Variants in PIGX observed in about 807,000 individuals in gnomAD.
The protein encoded by PIGX is phosphatidylinositol glycan anchor biosynthesis class X.
PIGX carries 24 observed loss-of-function variants against 28.7 expected under a neutral mutation model. That is an observed-to-expected ratio of 0.84 (90% confidence interval 0.60 to 1.17). The LOEUF is 1.17. PIGX is among the 50% of genes most tolerant of loss of function. The probability of loss-of-function intolerance (pLI) is 0.00; values close to 1 mark genes in which losing one functional copy is unlikely to be tolerated. For missense variants in PIGX, 305 were observed against 317.8 expected (o/e 0.96, Z 0.31); for synonymous variants, 127 against 121.0 (o/e 1.05, Z -0.33).
chr3:196,727,181 C>A (rs186443365), intron 3 of PIGX, among the ~76,000 whole-genome samples: 1 of 151,912 alleles, frequency 6.6e-6, no homozygotes, highest in Non-Finnish European at 1.5e-5. Flanking sequence ...ACACATAGGT[C>A]GCGTATATAA....
rs1041797133 is a variant in PIGX, at chr3:196,712,418, G to C, written c.-115G>C. 1 of 411,912 alleles carries C rather than the reference G, an allele frequency of 2.4e-6. No individual in the cohort carries two copies. The highest frequency in any genetic ancestry group is 2.1e-5 in the African/African-American group (1 of 47,126). 25.5% of individuals were successfully genotyped at this position (411,912 alleles called of 1,614,324 possible). A position where few individuals can be genotyped will look rare whatever the true frequency, so the allele number is the denominator to read the frequency against. ...CGCTAGGCGCGCGCACCCAGCACTCGGTCCCAGCCGATAAATCTGGGGCAG... is the reference window on the plus strand; with the variant it reads ...CGCTAGGCGCGCGCACCCAGCACTCCGTCCCAGCCGATAAATCTGGGGCAG... On this transcript the variant is annotated 5_prime_UTR_variant, in exon 1 of 6. Transcript: ENST00000392391.
chr3:196,716,743 G>T, intron 1 of PIGX, 115 bp from the exon 2 acceptor site: 1 of 438,246 alleles, frequency 2.3e-6, no homozygotes, highest in Non-Finnish European at 3.8e-6. Context: ...TTGTTTTTAG[G>T]TTGGTTAGAT....
chr3:196,713,791 C>G (rs1294733718), intron 1 of PIGX, among the ~76,000 whole-genome samples: 1 of 148,618 alleles, frequency 6.7e-6, no homozygotes, highest in Admixed American at 6.8e-5. Context: ...GAGCCGAGAT[C>G]GCGCCATTGC....
chr3:196,717,723 C>T (rs1461278464), intron 2 of PIGX: 12 of 152,148 alleles, frequency 7.9e-5, no homozygotes. Context: ...GGTGATAGAG[C>T]TCTGACTCTA....
Position 196,734,693 on chromosome 3 carries a change from AATTAAT to A in PIGX, c.*800_*805del, listed in dbSNP as rs1248335835. 23 of 152,360 alleles carry A rather than the reference AATTAAT, an allele frequency of 1.5e-4. No individual in the cohort carries two copies. The highest frequency in any genetic ancestry group is 6.2e-4 in the South Asian group (3 of 4,834). The allele number at this position is 152,360 out of a possible 1,614,324, so 9.4% of individuals were successfully genotyped here. On this transcript the variant is annotated 3_prime_UTR_variant, in exon 6 of 6. Transcript: ENST00000392391. ...AATCATTAAAGTAGGACAGCTAAGA[AATTAAT>A]ATTAATATCAAAATTATTGATAATC...
rs762400588 is a variant in PIGX at position 196,731,083 on chromosome 3, G to C, written c.624G>C (p.Lys208Asn). The C allele has an allele frequency of 6.5e-7, 1 of 1,549,220 alleles. No homozygotes were observed. Among genetic ancestry groups the C allele is most frequent in the Non-Finnish European group, 8.9e-7 (1 of 1,121,772 alleles). The change falls in exon 5 of 6, where the codon AAG becomes AAC. Residue 208 changes from lysine (K) to asparagine (N), a missense_variant. Transcript: ENST00000392391. ...ATATCTGCCAATGGAACAAGATGAA[G>C]TATAAATCAGTAAGCTAATGTTTTA... is the stretch of plus-strand genomic sequence containing the variant.
chr3:196,731,411 T>A (rs1302731129), intron 5 of PIGX, among the ~76,000 whole-genome samples: 1 of 152,142 alleles, frequency 6.6e-6, no homozygotes, highest in African/African-American at 2.4e-5. Flanking sequence ...CTCCTGACTT[T>A]AGGTGATCCG....
intron 3 of PIGX, among the ~76,000 whole-genome samples, chr3:196,723,309 C>G (rs562340493): frequency 6.6e-6 from 1 of 152,186 alleles, no homozygotes; most frequent in Non-Finnish European, 1.5e-5. Flanking sequence ...TCATTGCACT[C>G]CAGCCTGGGT....
Position 196,728,051 on chromosome 3 carries a change from C to T in PIGX, c.447C>T (p.His149=). 2 of 1,614,162 alleles carry T rather than the reference C, an allele frequency of 1.2e-6. No individual in the cohort carries two copies. The highest frequency in any genetic ancestry group is 1.7e-6 in the Non-Finnish European group (2 of 1,179,990). Residue 149 remains histidine (H), a synonymous_variant, in exon 4 of 6, where the codon CAC becomes CAT. Transcript: ENST00000392391. Reference sequence around the variant, plus strand: ...GTTTTCAAGCCTTTTTGCCTGTGCACTGCCGCTATCATCGGCCGCACAGTG... The same window carrying T: ...GTTTTCAAGCCTTTTTGCCTGTGCATTGCCGCTATCATCGGCCGCACAGTG...
intron 3 of PIGX, among the ~76,000 whole-genome samples, chr3:196,722,979 G>A (rs755027142): frequency 2.6e-5 from 4 of 152,152 alleles, no homozygotes; most frequent in Non-Finnish European, 5.9e-5. Flanking sequence ...AAGAAAGATC[G>A]TGTCCTGCAC....
At chr3:196,713,053 T>C (rs1711901069) in intron 1 of PIGX, 1 of 986,292 alleles carries the variant, frequency 1.0e-6, no homozygotes, top group Non-Finnish European at 1.2e-6. Flanking sequence ...TGCTAGTTGT[T>C]CGTGCAAGTA....
chr3:196,723,633 T>TA (rs397939826), intron 3 of PIGX, among the ~76,000 whole-genome samples: 37 of 150,442 alleles, frequency 2.5e-4, no homozygotes, highest in African/African-American at 8.5e-4. Context: ...TTTTTTTTTT[T>TA]AATTATTGTG....
intron 5 of PIGX, among the ~76,000 whole-genome samples, chr3:196,731,740 T>C (rs1390970613): frequency 2.6e-5 from 4 of 152,208 alleles, no homozygotes; most frequent in Non-Finnish European, 4.4e-5. Flanking sequence ...TTAGTGTTTA[T>C]GATTTATTGA....
chr3:196,732,254 A>ATTTTTT (rs1189283560), intron 5 of PIGX, among the ~76,000 whole-genome samples: 1 of 23,862 alleles, frequency 4.2e-5, no homozygotes, highest in African/African-American at 1.7e-4. Flanking sequence ...ATATATATAT[A>ATTTTTT]TATTTTATTT....
intron 2 of PIGX, among the ~76,000 whole-genome samples, chr3:196,720,751 T>C (rs1712290091): frequency 1.7e-5 from 1 of 60,182 alleles, no homozygotes; most frequent in Non-Finnish European, 3.6e-5. Flanking sequence ...ATTTCTGATC[T>C]CTTCTTTCTT....
At chr3:196,732,246 ATATATATATATTT>A (rs1320148131) in intron 5 of PIGX, among the ~76,000 whole-genome samples, 5 of 25,234 alleles carry the variant, frequency 2.0e-4, no homozygotes, top group African/African-American at 8.3e-4. Flanking sequence ...ATATATATAT[ATATATATATATTT>A]TATTTTATTT....
chr3:196,718,565 G>C (rs9789985), intron 2 of PIGX, among the ~76,000 whole-genome samples: 62,384 of 151,808 alleles, frequency 0.41, 13,039 homozygotes, highest in East Asian at 0.56. Context: ...AGTAGTGAAC[G>C]TACTCCTTGG....
At chr3:196,728,572 A>C (rs1712617951) in intron 4 of PIGX, 1 of 680,726 alleles carries the variant, frequency 1.5e-6, no homozygotes, top group African/African-American at 1.8e-5. Flanking sequence ...GTTTCTCTCT[A>C]TCCCTTTCCT....
chr3:196,714,464 T>TC (rs1491151143), intron 1 of PIGX, among the ~76,000 whole-genome samples: 48 of 24,614 alleles, frequency 2.0e-3, no homozygotes, highest in Non-Finnish European at 3.4e-3. Flanking sequence ...GCCCTGTCTC[T>TC]TTTTTTTTTT....
Sources: allele counts gnomAD v4.1 joint callset (sites outside exome capture counted in the v4.1 genomes callset), GRCh38; gene constraint gnomAD v4.1.1; transcripts MANE v1.5; gene names NCBI Gene and HGNC (gene_info 2026-07-23, HGNC 2026-07-21).